Variants in NCKAP5 observed in about 807,000 individuals in gnomAD.
NCKAP5 encodes nck-associated protein 5.
Under a neutral mutation model 167.0 loss-of-function variants are expected in NCKAP5, and 92 were observed. The observed-to-expected ratio is 0.55, with a 90% CI of 0.47 to 0.66. The LOEUF is 0.66. Among genes scored for constraint, NCKAP5 ranks in the 30% least tolerant of loss-of-function variants. The pLI is 0.00. For missense variants in NCKAP5, 2,378 were observed against 2,315.0 expected (o/e 1.03, Z -0.56); for synonymous variants, 891 against 877.4 (o/e 1.02, Z -0.27).
At chr2:133,156,005 A>G (rs1303405206) in intron 5 of NCKAP5, among the ~76,000 whole-genome samples, 1 of 152,190 alleles carries the variant, frequency 6.6e-6, no homozygotes, top group Non-Finnish European at 1.5e-5. Context: ...CCTACTCCCT[A>G]TACAGCTCTT....
chr2:132,911,376 A>C (rs550269228), intron 8 of NCKAP5: 1 of 152,412 alleles, frequency 6.6e-6, no homozygotes, highest in South Asian at 2.1e-4. Flanking sequence ...CAATTCACTT[A>C]AAAAATGTAA....
chr2:133,083,461 AGTT>A (rs1377385464), intron 6 of NCKAP5, among the ~76,000 whole-genome samples: 2 of 152,200 alleles, frequency 1.3e-5, no homozygotes, highest in Admixed American at 6.5e-5. Context: ...AAGACTTAAC[AGTT>A]GGCTAAAACC....
intron 3 of NCKAP5, among the ~76,000 whole-genome samples, chr2:133,508,109 A>AG (rs1683173371): frequency 6.6e-6 from 1 of 152,148 alleles, no homozygotes; most frequent in Non-Finnish European, 1.5e-5. Flanking sequence ...GGGTGGTCAG[A>AG]GGGGGCAAGA....
chr2:133,245,216 T>C (rs2087916655), intron 4 of NCKAP5, among the ~76,000 whole-genome samples: 1 of 152,116 alleles, frequency 6.6e-6, no homozygotes, highest in Non-Finnish European at 1.5e-5. Context: ...GACCAGGACA[T>C]ACCCAATTGT....
intron 11 of NCKAP5, among the ~76,000 whole-genome samples, chr2:132,844,427 A>T (rs1688519418): frequency 1.3e-5 from 2 of 152,156 alleles, no homozygotes; most frequent in Non-Finnish European, 2.9e-5. Flanking sequence ...CCACTGTATT[A>T]GTATGACATA....
chr2:133,579,154 T>C, the NCKAP5 span, among the ~76,000 whole-genome samples: 31 of 152,206 alleles, frequency 2.0e-4, 1 homozygote, highest in Admixed American at 2.0e-3. Context: ...AGTCAGGTAC[T>C]TTCATTATCC....
chr2:133,243,100 T>C (rs2087802398), intron 4 of NCKAP5, among the ~76,000 whole-genome samples: 1 of 150,392 alleles, frequency 6.6e-6, no homozygotes, highest in African/African-American at 2.5e-5. Flanking sequence ...TTCTTCATAC[T>C]TATATATATT....
chr2:133,132,459 C>T (rs146764995), intron 5 of NCKAP5, among the ~76,000 whole-genome samples: 78 of 143,440 alleles, frequency 5.4e-4, no homozygotes, highest in African/African-American at 1.9e-3. Context: ...TTATTTATGC[C>T]TTTTAAAACA....
At chr2:132,815,350 G>A (rs550287202) in intron 11 of NCKAP5, among the ~76,000 whole-genome samples, 21 of 152,190 alleles carry the variant, frequency 1.4e-4, no homozygotes, top group African/African-American at 5.1e-4. Flanking sequence ...AGAAACTATG[G>A]GGAAGTTCAG....
chr2:133,167,925 G>A (rs761737667), intron 5 of NCKAP5, among the ~76,000 whole-genome samples: 2 of 152,126 alleles, frequency 1.3e-5, no homozygotes, highest in African/African-American at 2.4e-5. Flanking sequence ...GATTCATTAA[G>A]TCAGCTTCAA....
At chr2:132,960,420 C>T (rs898203705) in intron 8 of NCKAP5, among the ~76,000 whole-genome samples, 6 of 152,092 alleles carry the variant, frequency 3.9e-5, no homozygotes, top group East Asian at 1.9e-4. Flanking sequence ...TACTGCGAAA[C>T]GCCCTGCAAC....
At chr2:132,815,978 A>AG (rs1194712751) in intron 11 of NCKAP5, among the ~76,000 whole-genome samples, 1 of 152,210 alleles carries the variant, frequency 6.6e-6, no homozygotes, top group Non-Finnish European at 1.5e-5. Context: ...CCAGGGAGGC[A>AG]GGAAAGCAGG....
chr2:133,007,955 T>C (rs976308519), intron 6 of NCKAP5, among the ~76,000 whole-genome samples: 39 of 152,298 alleles, frequency 2.6e-4, no homozygotes, highest in African/African-American at 8.2e-4. Flanking sequence ...CTAGGGTAGC[T>C]GGTAAACTTA....
rs951898658 is a variant in NCKAP5, at chr2:132,784,734, T to C, written c.2077A>G (p.Arg693Gly). The C allele has an allele frequency of 6.2e-7, 1 of 1,613,952 alleles. No homozygotes were observed. Among genetic ancestry groups the C allele is most frequent in the Admixed American group, 1.7e-5 (1 of 60,018 alleles). ...SHQTGVVTVTRNEISINSTPA... is the reference protein window; with the variant it reads ...SHQTGVVTVTGNEISINSTPA... ...GTTGAATTGATGGAAATCTCATTTCTGGTAACAGTGACAACCCCAGTCTGG... is the reference window on the plus strand; with the variant it reads ...GTTGAATTGATGGAAATCTCATTTCCGGTAACAGTGACAACCCCAGTCTGG... Residue 693 changes from arginine to glycine, a missense_variant, in exon 14 of 20, where the codon AGA (arginine) becomes GGA (glycine). Arg to Gly is a moderately radical substitution (Grantham distance 125). Transcript: ENST00000409261.
intron 4 of NCKAP5, among the ~76,000 whole-genome samples, chr2:133,265,718 G>A (rs1331758587): frequency 6.6e-6 from 1 of 152,152 alleles, no homozygotes; most frequent in Non-Finnish European, 1.5e-5. Flanking sequence ...TGCGGAGGGT[G>A]GGGGAGGGGG....
chr2:132,955,482 T>C (rs900063013), intron 8 of NCKAP5, among the ~76,000 whole-genome samples: 1 of 152,242 alleles, frequency 6.6e-6, no homozygotes, highest in Non-Finnish European at 1.5e-5. Context: ...TGAAAGGACA[T>C]GAATTCATTC....
At chr2:133,611,857 GATTCTT>G in the NCKAP5 span, among the ~76,000 whole-genome samples, 1 of 152,156 alleles carries the variant, frequency 6.6e-6, no homozygotes, top group African/African-American at 2.4e-5. Context: ...GTTTTGAGAT[GATTCTT>G]TCATTCTGAG....
At chr2:133,085,044 A>G (rs1009386594) in intron 6 of NCKAP5, among the ~76,000 whole-genome samples, 10 of 152,200 alleles carry the variant, frequency 6.6e-5, no homozygotes, top group African/African-American at 2.4e-4. Flanking sequence ...TTAAAAATAT[A>G]AAAACCATTT....
intron 6 of NCKAP5, among the ~76,000 whole-genome samples, chr2:133,061,815 A>G (rs1200369275): frequency 1.3e-5 from 2 of 152,106 alleles, no homozygotes; most frequent in Non-Finnish European, 2.9e-5. Context: ...CCTGGTGGCT[A>G]TTGGGCCACT....
Sources: gnomAD v4.1 joint callset for allele counts (sites outside exome capture counted in the v4.1 genomes callset) on GRCh38, gnomAD v4.1.1 for gene constraint, MANE v1.5 for transcripts, NCBI Gene and HGNC (gene_info 2026-07-23, HGNC 2026-07-21) for gene names.